Variants in SLC45A4 observed in about 807,000 individuals in gnomAD.
SLC45A4 encodes the protein solute carrier family 45 member 4, also known as polyamine-transporter SLC45A4.
Under a neutral mutation model 63.7 loss-of-function variants are expected in SLC45A4, and 32 were observed. That is an observed-to-expected ratio of 0.50 (90% CI 0.38 to 0.67). The LOEUF (loss-of-function observed/expected upper bound fraction) is 0.67, where lower values mean the gene tolerates loss of function less well. SLC45A4 is among the 30% of genes least tolerant of loss of function. The probability of loss-of-function intolerance (pLI) is 0.00; values close to 1 mark genes in which losing one functional copy is unlikely to be tolerated. For synonymous variants in SLC45A4, 535 were observed against 510.0 expected, an observed-to-expected ratio of 1.05 and a Z score of -0.66; for missense variants, 1,027 against 1,157.7, an observed-to-expected ratio of 0.89 and a Z score of 1.64.
chr8:141,259,112 C>T (rs1251672723), intron 1 of SLC45A4, among the ~76,000 whole-genome samples: 1 of 152,124 alleles, frequency 6.6e-6, no homozygotes, highest in Non-Finnish European at 1.5e-5. Flanking sequence ...TCCTAGCAAA[C>T]TTCTAACAAC....
chr8:141,280,724 G>A (rs1275518608), intron 1 of SLC45A4, among the ~76,000 whole-genome samples: 2 of 152,142 alleles, frequency 1.3e-5, no homozygotes, highest in Non-Finnish European at 1.5e-5. Context: ...ATGCGACAGC[G>A]TGCAGCTCCA....
intron 2 of SLC45A4, among the ~76,000 whole-genome samples, chr8:141,242,988 C>T (rs548183589): frequency 2.0e-5 from 3 of 152,340 alleles, no homozygotes; most frequent in South Asian, 2.1e-4. Flanking sequence ...ACCCATCTAC[C>T]GGGTGGTGAC....
Position 141,208,845 on chromosome 8 carries a change from A to G in SLC45A4, c.*2727T>C, listed in dbSNP as rs1421462141. On this transcript the variant is annotated 3_prime_UTR_variant, in exon 9 of 9. Coordinates refer to ENST00000517878, the MANE Select transcript of SLC45A4 (RefSeq NM_001286646.2). ...ATGTGTTAAGGGGAAGCTCGTTAAA[A>G]GAGTCTTTACTTAGCTGACTTGTAT... 1.3e-5 allele frequency: 2 copies of G among 152,300 alleles called. No individual in the cohort carries two copies. Among genetic ancestry groups the G allele is most frequent in the African/African-American group, 2.4e-5 (1 of 41,460 alleles). The allele number at this position is 152,300 out of a possible 1,614,324, so 9.4% of individuals were successfully genotyped here.
intron 2 of SLC45A4, among the ~76,000 whole-genome samples, chr8:141,245,521 C>A (rs1828147378): frequency 6.6e-6 from 1 of 152,156 alleles, no homozygotes; most frequent in Non-Finnish European, 1.5e-5. Flanking sequence ...CCAGGGCTGA[C>A]CCGGGGGGCA....
At chr8:141,245,131 A>G (rs1828120865) in intron 2 of SLC45A4, among the ~76,000 whole-genome samples, 1 of 152,200 alleles carries the variant, frequency 6.6e-6, no homozygotes, top group African/African-American at 2.4e-5. Flanking sequence ...AATGACAGTA[A>G]TAACAGCTAA....
At chr8:141,228,597 CT>C in intron 2 of SLC45A4, 3 of 1,137,700 alleles carry the variant, frequency 2.6e-6, no homozygotes, top group South Asian at 5.5e-5. Context: ...ATTCTCGGCT[CT>C]TTAAAACAGA....
rs1028030074 is a variant in SLC45A4 at position 141,254,210 on chromosome 8, T to C, written c.20A>G (p.Asn7Ser). MKMAPQ[N>S]ADPESMQVQE... ...AACTTGCATAGATTCCGGGTCGGCA[T>C]TCTGCGGAGCCATTTTCATTACCAC... The change falls in exon 2 of 9, where the codon AAT (asparagine) becomes AGT (serine). Residue 7 changes from asparagine to serine, a missense_variant. Physicochemically the swap from Asn to Ser is conservative, Grantham distance 46. Transcript: ENST00000517878. This position sits in a 1 kb window ranked among gnomAD's most constrained non-coding sequence, Gnocchi z 4.5. 11 of 1,534,448 alleles carry C rather than the reference T, an allele frequency of 7.2e-6. No homozygotes were observed. The highest frequency in any genetic ancestry group is 9.6e-6 in the Non-Finnish European group (11 of 1,145,686).
Position 141,223,606 on chromosome 8 carries a change from C to T in SLC45A4, c.242-1841G>A, listed in dbSNP as rs528779187. On this transcript the variant is annotated intron_variant, in intron 2 of 8. Transcript: ENST00000517878. ...TGGATTGGGCACCCAGAAGGGCTCTCGGTGCCTCCTGTAGCAGCGCGCTGG... is the reference window on the plus strand; with the variant it reads ...TGGATTGGGCACCCAGAAGGGCTCTTGGTGCCTCCTGTAGCAGCGCGCTGG... Among the ~76,000 whole-genome samples, 9 of 152,354 alleles carry T rather than the reference C, an allele frequency of 5.9e-5. No individual in the cohort carries two copies. In the South Asian group the frequency reaches 1.2e-3, roughly 21 times the overall value.
chr8:141,277,060 C>T (rs1400958777), intron 1 of SLC45A4, among the ~76,000 whole-genome samples: 2 of 152,220 alleles, frequency 1.3e-5, no homozygotes, highest in African/African-American at 4.8e-5. Context: ...TGGACACCTG[C>T]GAGCCAGGCT....
intron 1 of SLC45A4, among the ~76,000 whole-genome samples, chr8:141,305,691 C>T (rs1321929322): frequency 6.6e-6 from 1 of 152,224 alleles, no homozygotes; most frequent in Non-Finnish European, 1.5e-5. Flanking sequence ...CAGCCAGCCA[C>T]TGGGCGTCAG....
intron 1 of SLC45A4, among the ~76,000 whole-genome samples, chr8:141,296,562 G>A (rs983152899): frequency 9.4e-5 from 14 of 148,558 alleles, no homozygotes; most frequent in South Asian, 2.1e-4. Flanking sequence ...AAGGCCAGGC[G>A]TGGTGGCTCA....
chr8:141,231,809 T>C (rs1256746200), intron 2 of SLC45A4, among the ~76,000 whole-genome samples: 2 of 152,212 alleles, frequency 1.3e-5, no homozygotes, highest in South Asian at 2.1e-4. Flanking sequence ...TACTGCCACA[T>C]GAGACTGCTC....
At chr8:141,281,679 C>T (rs889787336) in intron 1 of SLC45A4, among the ~76,000 whole-genome samples, 7 of 152,308 alleles carry the variant, frequency 4.6e-5, no homozygotes, top group African/African-American at 1.7e-4. Flanking sequence ...AGACAAAAAA[C>T]ACAGGACCAT....
chr8:141,253,943 G>A (rs1397882246), intron 2 of SLC45A4, 46 bp downstream of exon 2: 1 of 1,529,658 alleles, frequency 6.5e-7, no homozygotes, highest in East Asian at 2.5e-5. Flanking sequence ...CAGTCCGCTA[G>A]CACTCCGCTC....
intron 1 of SLC45A4, chr8:141,292,857 CA>C (rs1206763838): frequency 1.3e-5 from 2 of 152,272 alleles, no homozygotes; most frequent in African/African-American, 4.8e-5. Context: ...AGAAGTTCTC[CA>C]TCAGCTTGTT....
Position 141,211,671 on chromosome 8 carries a change from C to G in SLC45A4, c.2328G>C (p.Gln776His), listed in dbSNP as rs746880801. ...GCGGCACCAGCCAATGTGACGAGATCTGACAGACGTCAATACCTGCAGGCG... is the reference window on the plus strand; with the variant it reads ...GCGGCACCAGCCAATGTGACGAGATGTGACAGACGTCAATACCTGCAGGCG... ...SVTPAGIDVCQISSHWLVPQL... is the reference protein window; with the variant it reads ...SVTPAGIDVCHISSHWLVPQL... The change falls in exon 9 of 9, where the codon CAG (glutamine) becomes CAC (histidine). Residue 776 changes from glutamine to histidine, a missense_variant. By Grantham distance (24) the Gln-to-His change is conservative (BLOSUM62 0). Coordinates refer to ENST00000517878, the MANE Select transcript of SLC45A4 (RefSeq NM_001286646.2). The G allele has an allele frequency of 1.5e-5, 24 of 1,601,364 alleles. No individual in the cohort carries two copies. The highest frequency in any genetic ancestry group is 2.0e-5 in the Non-Finnish European group (23 of 1,173,776).
At chr8:141,293,457 G>C (rs1162383698) in intron 1 of SLC45A4, among the ~76,000 whole-genome samples, 3 of 149,386 alleles carry the variant, frequency 2.0e-5, no homozygotes, top group Non-Finnish European at 4.5e-5. Flanking sequence ...CCGTCTCGAA[G>C]AAAAAAAAAG....
chr8:141,273,539 C>T (rs991311414), intron 1 of SLC45A4, among the ~76,000 whole-genome samples: 21 of 152,058 alleles, frequency 1.4e-4, no homozygotes, highest in Admixed American at 1.2e-3. Flanking sequence ...AGGCAGGTCG[C>T]GTGTTCCTGA....
intron 1 of SLC45A4, among the ~76,000 whole-genome samples, chr8:141,257,036 T>C (rs752071192): frequency 1.3e-5 from 2 of 152,116 alleles, no homozygotes; most frequent in Non-Finnish European, 2.9e-5. Flanking sequence ...GTATTTTTAG[T>C]AGACACAGGG....
Sources: gnomAD v4.1 joint callset for allele counts (sites outside exome capture counted in the v4.1 genomes callset) on GRCh38, gnomAD v4.1.1 for gene constraint, Gnocchi (gnomAD v3.1) non-coding constraint, MANE v1.5 for transcripts, NCBI Gene and HGNC (gene_info 2026-07-23, HGNC 2026-07-21) for gene names.